The following LACTB variants were observed in gnomAD, a reference collection of about 807,000 sequenced individuals.
LACTB encodes the protein serine beta-lactamase-like protein LACTB, mitochondrial.
A neutral mutation model predicts 50.2 loss-of-function variants in LACTB; 35 were observed. The ratio of observed to expected loss-of-function variants is 0.70; its 90% CI spans 0.53 to 0.92. LACTB has a LOEUF of 0.92. Among genes scored for constraint, LACTB ranks in the 40% least tolerant of loss-of-function variants. LACTB has a pLI of 0.00. For missense variants in LACTB, 664 were observed against 691.8 expected, an observed-to-expected ratio of 0.96 and a Z score of 0.45; for synonymous variants, 252 against 268.2, an observed-to-expected ratio of 0.94 and a Z score of 0.59.
At chr15:63,122,311 C>T (rs1442497210) in intron 1 of LACTB, 83 bp downstream of exon 1, 30 of 1,241,566 alleles carry the variant, frequency 2.4e-5, no homozygotes, top group Non-Finnish European at 3.1e-5. Context: ...TGGACCCCAC[C>T]CGGGGCGGCG....
chr15:63,138,400 T>A (rs1456583048), intron 5 of LACTB, among the ~76,000 whole-genome samples: 1 of 152,206 alleles, frequency 6.6e-6, no homozygotes, highest in African/African-American at 2.4e-5. Context: ...TTCTTATAAA[T>A]AAGTATGAAG....
intron 2 of LACTB, among the ~76,000 whole-genome samples, chr15:63,126,416 A>G (rs1424549237): frequency 6.6e-6 from 1 of 152,250 alleles, no homozygotes; most frequent in Non-Finnish European, 1.5e-5. Context: ...TGCTCAGATT[A>G]TAGGCATGAG....
intron 5 of LACTB, among the ~76,000 whole-genome samples, chr15:63,134,649 A>G (rs1449807404): frequency 1.3e-5 from 2 of 152,348 alleles, no homozygotes; most frequent in Non-Finnish European, 1.5e-5. Context: ...CTTTGCGACA[A>G]GGGAGGCTGA....
intron 5 of LACTB, 85 bp downstream of exon 5, chr15:63,129,735 A>T: frequency 7.4e-7 from 1 of 1,348,078 alleles, no homozygotes; most frequent in Non-Finnish European, 9.5e-7. Flanking sequence ...CTTTGTTTCC[A>T]TTCCAAAATC....
intron 5 of LACTB, among the ~76,000 whole-genome samples, chr15:63,136,857 C>T (rs1311425584): frequency 6.6e-6 from 1 of 152,060 alleles, no homozygotes; most frequent in Non-Finnish European, 1.5e-5. Context: ...AACCATAAAC[C>T]TGTTTATAAT....
In LACTB at chr15:63,127,059, C is replaced by T. The variant is rs533247795; in HGVS notation, c.615+10C>T. 557 of 1,559,664 alleles carry T rather than the reference C, an allele frequency of 3.6e-4. 12 individuals are homozygous for T. In the South Asian group the frequency reaches 6.2e-3, roughly 17 times the overall value. ...ATATGAAGGTGAAAAGGTACTGAAA[C>T]TCACAGTTCATTTTACTAATGGCAT... On this transcript the variant is annotated intron_variant, in intron 3 of 5. Transcript: ENST00000261893.
intron 5 of LACTB, among the ~76,000 whole-genome samples, chr15:63,138,740 G>A (rs1167456246): frequency 6.6e-6 from 1 of 152,050 alleles, no homozygotes; most frequent in Non-Finnish European, 1.5e-5. Flanking sequence ...ATGCTTTACT[G>A]TTAAAAGGAA....
At chr15:63,138,303 C>A (rs72747067) in intron 5 of LACTB, among the ~76,000 whole-genome samples, 4 of 151,868 alleles carry the variant, frequency 2.6e-5, no homozygotes, top group Non-Finnish European at 5.9e-5. Flanking sequence ...CCTGTCCCCC[C>A]ACCCTTGAAA....
intron 4 of LACTB, among the ~76,000 whole-genome samples, chr15:63,128,624 C>T (rs1460252331): frequency 6.6e-6 from 1 of 151,984 alleles, no homozygotes; most frequent in Non-Finnish European, 1.5e-5. Context: ...TGAGTTTGTC[C>T]AGAACCCAAA....
chr15:63,122,001 C>A lies in LACTB; in HGVS notation c.130C>A (p.Leu44Ile). 1 of 1,369,094 alleles carries A rather than the reference C, an allele frequency of 7.3e-7. No homozygotes were observed. Among genetic ancestry groups the A allele is most frequent in the Non-Finnish European group, 9.3e-7 (1 of 1,069,710 alleles). The allele number at this position is 1,369,094 out of a possible 1,614,324, so 84.8% of individuals were successfully genotyped here. ...PPLGHGWVGGLGLGLGLALGV... is the reference protein window; with the variant it reads ...PPLGHGWVGGIGLGLGLALGV... ...TCTCGGCCACGGCTGGGTCGGGGGC[C>A]TCGGGCTGGGGCTGGGGCTGGCGCT... The change falls in exon 1 of 6, where the codon CTC becomes ATC. Residue 44 changes from leucine (L) to isoleucine (I), a missense_variant. Leu to Ile is a conservative substitution (Grantham distance 5, BLOSUM62 2). Coordinates refer to ENST00000261893, the MANE Select transcript of LACTB (RefSeq NM_032857.5).
intron 2 of LACTB, chr15:63,125,990 T>C (rs931832914): frequency 3.3e-5 from 5 of 151,928 alleles, no homozygotes; most frequent in African/African-American, 1.2e-4. Context: ...AGGCACTTTC[T>C]CTTTCTTAGT....
rs769758247 is a variant in LACTB, at chr15:63,141,463, C to T, written c.1302C>T (p.Tyr434=). 5 of 1,614,126 alleles carry T rather than the reference C, an allele frequency of 3.1e-6. No individual in the cohort carries two copies. Among genetic ancestry groups the T allele is most frequent in the Non-Finnish European group, 4.2e-6 (5 of 1,180,020 alleles). ...CAAATGAAAATCTTTTACCTGGATA[C>T]CTCAAACCAGAAACAATGGTTATGA... ...KNSNENLLPG[Y]LKPETMVMMW... The change falls in exon 6 of 6, where the codon TAC becomes TAT. Residue 434 remains tyrosine, a synonymous_variant. Coordinates refer to ENST00000261893, the MANE Select transcript of LACTB (RefSeq NM_032857.5).
At chr15:63,137,961 T>C (rs997064095) in intron 5 of LACTB, among the ~76,000 whole-genome samples, 1 of 152,202 alleles carries the variant, frequency 6.6e-6, no homozygotes, top group Admixed American at 6.5e-5. Flanking sequence ...TGAAATTATG[T>C]TGGTTTTCAA....
At chr15:63,137,050 G>A (rs567389185) in intron 5 of LACTB, among the ~76,000 whole-genome samples, 2 of 152,280 alleles carry the variant, frequency 1.3e-5, no homozygotes, top group East Asian at 3.9e-4. Flanking sequence ...GCTCAGATTT[G>A]AGTCACAACA....
Position 63,141,857 on chromosome 15 carries a change from C to G in LACTB, c.*52C>G. On this transcript the variant is annotated 3_prime_UTR_variant, in exon 6 of 6. Transcript: ENST00000261893. ...GAGTTGTTCTGAGGTTTTTTTGAAA[C>G]ATTAAAGTTCCAAAACATGACATTT... The G allele has an allele frequency of 6.9e-7, 1 of 1,439,178 alleles. No homozygotes were observed. Among genetic ancestry groups the G allele is most frequent in the South Asian group, 1.3e-5 (1 of 76,330 alleles). The allele number at this position is 1,439,178 out of a possible 1,614,324, so 89.2% of individuals were successfully genotyped here.
At chr15:63,140,580 C>A (rs2037219017) in intron 5 of LACTB, among the ~76,000 whole-genome samples, 1 of 152,160 alleles carries the variant, frequency 6.6e-6, no homozygotes. Flanking sequence ...TTTGCTAACT[C>A]CAGCCTTTCC....
rs1456516718 is a variant in LACTB, at chr15:63,127,696, G to A, written c.952+7G>A. On this transcript the variant is annotated splice_region_variant and intron_variant, in intron 4 of 5. Coordinates refer to ENST00000261893, the MANE Select transcript of LACTB (RefSeq NM_032857.5). Reference sequence around the variant, plus strand: ...CCTTTGTTCTTCAAACCTGGTGAGTGTTAATCCCTTCTCTTAACAAAATCA... The same window carrying A: ...CCTTTGTTCTTCAAACCTGGTGAGTATTAATCCCTTCTCTTAACAAAATCA... The A allele has an allele frequency of 6.7e-7, 1 of 1,503,304 alleles. No homozygotes were observed. The highest frequency in any genetic ancestry group is 2.0e-5 in the Admixed American group (1 of 49,230). The allele number at this position is 1,503,304 out of a possible 1,614,324, so 93.1% of individuals were successfully genotyped here.
chr15:63,137,177 C>T (rs1461357688), intron 5 of LACTB, among the ~76,000 whole-genome samples: 3 of 152,180 alleles, frequency 2.0e-5, no homozygotes, highest in Non-Finnish European at 4.4e-5. Context: ...TGTTTAGGCA[C>T]ATAACTATAC....
chr15:63,135,495 G>T (rs1488853596), intron 5 of LACTB, among the ~76,000 whole-genome samples: 5 of 152,172 alleles, frequency 3.3e-5, no homozygotes, highest in Admixed American at 3.3e-4. Context: ...GCCAAGAGGG[G>T]TGGATTGCTT....
Sources: allele counts gnomAD v4.1 joint callset (sites outside exome capture counted in the v4.1 genomes callset), GRCh38; gene constraint gnomAD v4.1.1; transcripts MANE v1.5; gene names NCBI Gene and HGNC (gene_info 2026-07-23, HGNC 2026-07-21).